Variants in OPCML observed in about 807,000 individuals in gnomAD.
OPCML encodes opioid binding protein/cell adhesion molecule like.
A neutral mutation model predicts 37.8 loss-of-function variants in OPCML; 13 were observed. The observed-to-expected ratio is 0.34, with a 90% CI of 0.22 to 0.55. OPCML has a LOEUF of 0.55. Ranked by LOEUF, OPCML falls within the 20% of genes least tolerant of loss-of-function variation. The probability of loss-of-function intolerance (pLI) is 0.91; values close to 1 mark genes in which losing one functional copy is unlikely to be tolerated. For synonymous variants in OPCML, 176 were observed against 168.8 expected (o/e 1.04, Z -0.33); for missense variants, 341 against 435.6 (o/e 0.78, Z 1.93).
intron 1 of OPCML, among the ~76,000 whole-genome samples, chr11:133,164,102 T>C (rs983335766): frequency 2.0e-5 from 3 of 152,228 alleles, no homozygotes; most frequent in African/African-American, 7.2e-5. Context: ...AACTTGCTCC[T>C]GTATTAAGTG....
chr11:132,903,595 CA>C (rs1370340301), intron 2 of OPCML, among the ~76,000 whole-genome samples: 1 of 152,058 alleles, frequency 6.6e-6, no homozygotes, highest in Non-Finnish European at 1.5e-5. Flanking sequence ...CAGGAGTTCA[CA>C]ACCAGCCTGG....
intron 1 of OPCML, among the ~76,000 whole-genome samples, chr11:133,059,004 C>T (rs559126772): frequency 1.3e-5 from 2 of 152,312 alleles, no homozygotes; most frequent in Non-Finnish European, 2.9e-5. Context: ...AAGCTTCAGG[C>T]TTATGGTAAC....
At chr11:132,499,201 C>T (rs2018714) in intron 4 of OPCML, among the ~76,000 whole-genome samples, 22,334 of 152,138 alleles carry the variant, frequency 0.15, 2,341 homozygotes, top group East Asian at 0.55. Flanking sequence ...AGGAAAGGGT[C>T]CCTCTGCCAG....
rs539822181 is a variant in OPCML, at chr11:132,698,290, A to G, written c.147-40971T>C. Among the ~76,000 whole-genome samples, 15 of 152,236 alleles carry G rather than the reference A, an allele frequency of 9.9e-5. No individual in the cohort carries two copies. In the East Asian group the frequency reaches 2.9e-3, roughly 29 times the overall value. On this transcript the variant is annotated intron_variant, in intron 2 of 7. Coordinates refer to ENST00000524381, the MANE Select transcript of OPCML (RefSeq NM_001012393.5). ...TGTACCAGGGTTCCCTTTTCTCCGCATCCTCTCCAACACTGATCTTTTGTC... is the reference window on the plus strand; with the variant it reads ...TGTACCAGGGTTCCCTTTTCTCCGCGTCCTCTCCAACACTGATCTTTTGTC...
chr11:132,713,311 C>T (rs1049416470), intron 2 of OPCML, among the ~76,000 whole-genome samples: 6 of 152,104 alleles, frequency 3.9e-5, no homozygotes, highest in African/African-American at 1.2e-4. Context: ...TGGTAACTGC[C>T]GTAAATTCCA....
intron 7 of OPCML, among the ~76,000 whole-genome samples, chr11:132,422,825 T>C (rs1358995120): frequency 1.3e-5 from 2 of 152,182 alleles, no homozygotes; most frequent in Non-Finnish European, 2.9e-5. Flanking sequence ...CTGTAGAAAA[T>C]GACCATTTGT....
At chr11:132,898,481 G>A (rs943473353) in intron 2 of OPCML, among the ~76,000 whole-genome samples, 2 of 152,110 alleles carry the variant, frequency 1.3e-5, no homozygotes, top group Admixed American at 6.6e-5. Flanking sequence ...CTTACCATGC[G>A]TCCCACCATT....
chr11:133,346,722 G>A (rs1327175543), intron 1 of OPCML, among the ~76,000 whole-genome samples: 1 of 152,150 alleles, frequency 6.6e-6, no homozygotes, highest in Non-Finnish European at 1.5e-5. Context: ...GAAAACCTGG[G>A]TTCCAAGCCT....
intron 1 of OPCML, among the ~76,000 whole-genome samples, chr11:133,412,507 C>T (rs947295705): frequency 6.6e-6 from 1 of 152,224 alleles, no homozygotes; most frequent in African/African-American, 2.4e-5. Context: ...TCCTCATCAT[C>T]AACCTCATGA....
chr11:132,597,407 A>G (rs2096494069), intron 3 of OPCML, among the ~76,000 whole-genome samples: 1 of 152,236 alleles, frequency 6.6e-6, no homozygotes, highest in East Asian at 1.9e-4. Context: ...GCTGGCATAT[A>G]TCTGCTTGCC....
intron 1 of OPCML, among the ~76,000 whole-genome samples, chr11:133,015,954 G>A (rs193073979): frequency 6.6e-6 from 1 of 152,170 alleles, no homozygotes; most frequent in East Asian, 1.9e-4. Context: ...AGCATACCAA[G>A]CAAGAATGAA....
intron 2 of OPCML, among the ~76,000 whole-genome samples, chr11:132,892,123 G>C (rs936375661): frequency 1.3e-5 from 2 of 152,194 alleles, no homozygotes; most frequent in African/African-American, 2.4e-5. Flanking sequence ...TAAAAGACAA[G>C]AGCCTTTGTT....
At chr11:133,257,847 T>TC (rs1941365627) in intron 1 of OPCML, among the ~76,000 whole-genome samples, 1 of 135,576 alleles carries the variant, frequency 7.4e-6, no homozygotes, top group Admixed American at 8.4e-5. Flanking sequence ...TGTCTTTCTA[T>TC]CTTTTTTTTT....
chr11:133,084,343 G>A (rs1391056758), intron 1 of OPCML, among the ~76,000 whole-genome samples: 1 of 152,166 alleles, frequency 6.6e-6, no homozygotes, highest in Non-Finnish European at 1.5e-5. Flanking sequence ...AACCATCAAT[G>A]TTTTAAGAAG....
At chr11:133,090,383 G>A (rs560666027) in intron 1 of OPCML, among the ~76,000 whole-genome samples, 4 of 152,290 alleles carry the variant, frequency 2.6e-5, no homozygotes, top group African/African-American at 9.6e-5. Flanking sequence ...AGAGCATTGA[G>A]ACTGATTATG....
intron 2 of OPCML, among the ~76,000 whole-genome samples, chr11:132,866,132 G>A (rs1004462570): frequency 3.3e-5 from 5 of 151,516 alleles, no homozygotes; most frequent in African/African-American, 4.8e-5. Flanking sequence ...ACTTTAATGC[G>A]ATCTCAAATT....
intron 1 of OPCML, chr11:133,439,485 T>G (rs538216628): frequency 1.0e-6 from 1 of 972,402 alleles, no homozygotes; most frequent in African/African-American, 1.8e-5. Context: ...TTTTCTTTTT[T>G]GAGATGGAGT....
intron 2 of OPCML, among the ~76,000 whole-genome samples, chr11:132,837,648 A>C (rs1941093952): frequency 6.6e-6 from 1 of 152,226 alleles, no homozygotes; most frequent in South Asian, 2.1e-4. Context: ...ACAGGTGTGC[A>C]CATCAGCAAG....
chr11:132,695,067 C>A (rs777863273), intron 2 of OPCML, among the ~76,000 whole-genome samples: 2 of 152,212 alleles, frequency 1.3e-5, no homozygotes, highest in Non-Finnish European at 2.9e-5. Flanking sequence ...TTATCACTTG[C>A]AGCCAAATAC....
Sources: allele counts gnomAD v4.1 joint callset (sites outside exome capture counted in the v4.1 genomes callset), GRCh38; gene constraint gnomAD v4.1.1; transcripts MANE v1.5; gene names NCBI Gene and HGNC (gene_info 2026-07-23, HGNC 2026-07-21).